ATP5F1A: variants seen among roughly 807,000 people sequenced by gnomAD.
ATP5F1A encodes the protein ATP synthase F1 subunit alpha.
A neutral mutation model predicts 57.4 loss-of-function variants in ATP5F1A; 24 were observed. The observed-to-expected ratio is 0.42, with a 90% CI of 0.30 to 0.59. The LOEUF (loss-of-function observed/expected upper bound fraction) is 0.59. ATP5F1A is among the 20% of genes least tolerant of loss of function. The pLI, the probability that ATP5F1A is intolerant of heterozygous loss-of-function variation, is 0.19. For missense variants in ATP5F1A, 494 were observed against 707.9 expected, an observed-to-expected ratio of 0.70 and a Z score of 3.43; for synonymous variants, 251 against 255.5, an observed-to-expected ratio of 0.98 and a Z score of 0.17.
chr18:46,100,843 C>T (rs566168826), upstream of ATP5F1A, among the ~76,000 whole-genome samples: 292 of 152,154 alleles, frequency 1.9e-3, 1 homozygote, highest in African/African-American at 6.8e-3. Context: ...GAGGCCGAGG[C>T]GGGTGGATCA....
At position 46,089,513 on chromosome 18, in the gene ATP5F1A, C is replaced by T. The variant is rs536483124; in HGVS notation, c.650+53G>A. 2.6e-5 allele frequency: 41 copies of T among 1,596,712 alleles called. No homozygotes were observed. The African/African-American group carries it at 5.1e-4, about 20-fold the overall frequency. On this transcript the variant is annotated intron_variant, in intron 5 of 11. Transcript: ENST00000398752. ...ACCATTCCAAGACTAAAATATAATC[C>T]TTCCATTGAGCAAATTTTAGTTAGA... is the stretch of plus-strand genomic sequence containing the variant.
rs945010749 is a variant in ATP5F1A at position 46,081,731 on chromosome 18, T to C, written c.*2551A>G. ...GCAGAACCTTCTAACTAAAAGTAACTTCCTTATTTCAGAAAAGGAAAATCA... is the reference window on the plus strand; with the variant it reads ...GCAGAACCTTCTAACTAAAAGTAACCTCCTTATTTCAGAAAAGGAAAATCA... On this transcript the variant is annotated 3_prime_UTR_variant, in exon 12 of 12. Transcript: ENST00000398752. 1 of 144,664 alleles carries C rather than the reference T, an allele frequency of 6.9e-6. No homozygotes were observed. The highest frequency in any genetic ancestry group is 6.9e-5 in the Admixed American group (1 of 14,508). The allele number at this position is 144,664 out of a possible 1,614,324, so 9.0% of individuals were successfully genotyped here. A position where few individuals can be genotyped will look rare whatever the true frequency, so the allele number is the denominator to read the frequency against.
chr18:46,098,629 C>G (rs1911160854), upstream of ATP5F1A, among the ~76,000 whole-genome samples: 1 of 152,046 alleles, frequency 6.6e-6, no homozygotes, highest in Non-Finnish European at 1.5e-5. Context: ...TCTGGGGTCG[C>G]GGCTGTCTTG....
chr18:46,098,362 A>ACCCCCCCCCCCCCCC (rs1315521643), upstream of ATP5F1A: 1 of 1,192,940 alleles, frequency 8.4e-7, no homozygotes, highest in African/African-American at 1.6e-5. Context: ...CCTCGCGTTC[A>ACCCCCCCCCCCCCCC]CCACCTCTCC....
intron 10 of ATP5F1A, 118 bp downstream of exon 10, chr18:46,085,995 G>T: frequency 1.8e-6 from 2 of 1,129,346 alleles, no homozygotes; most frequent in Non-Finnish European, 2.4e-6. Flanking sequence ...TGCCTTTGAT[G>T]AAAGATAACA....
chr18:46,082,603 G>A lies in ATP5F1A; in HGVS notation c.*1679C>T, dbSNP rs1909824716. 6.6e-6 allele frequency: 1 copy of A among 151,530 alleles called. No homozygotes were observed. Among genetic ancestry groups the A allele is most frequent in the South Asian group, 2.1e-4 (1 of 4,786 alleles). The allele number at this position is 151,530 out of a possible 1,614,324, so 9.4% of individuals were successfully genotyped here. On this transcript the variant is annotated 3_prime_UTR_variant, in exon 12 of 12. Transcript: ENST00000398752. ...GGAGGCTGAGGCAGGAGAATTGCTT[G>A]AACCTGGAGGCAGAGGTTGCAGTGA... is the stretch of plus-strand genomic sequence containing the variant.
chr18:46,100,723 G>A (rs1392688824), upstream of ATP5F1A, among the ~76,000 whole-genome samples: 1 of 152,202 alleles, frequency 6.6e-6, no homozygotes, highest in African/African-American at 2.4e-5. Flanking sequence ...ATGGCAACTA[G>A]GTAAAACGAT....
In ATP5F1A at chr18:46,098,207, C is replaced by T. The variant is rs141639003; in HGVS notation, c.25G>A (p.Ala9Thr). 5.1e-4 allele frequency: 826 copies of T among 1,607,002 alleles called. 11 individuals carry two copies. The Admixed American group carries it at 0.011, about 22-fold the overall frequency. MLSVRVAA[A>T]VVRALPRRAG... is the part of the protein sequence containing the mutation. ...CGCCGAGGAAGGGCGCGGACCACGG[C>T]CGCAGCAACGCGCACGGACAGCATC... The change falls in exon 1 of 12, where the codon GCC (alanine) becomes ACC (threonine). Residue 9 changes from alanine (A) to threonine (T), a missense_variant. Ala to Thr is a moderately conservative substitution (Grantham distance 58). Coordinates refer to ENST00000398752, the MANE Select transcript of ATP5F1A (RefSeq NM_004046.6).
intron 2 of ATP5F1A, among the ~76,000 whole-genome samples, chr18:46,093,982 C>T (rs1910751953): frequency 6.6e-6 from 1 of 151,320 alleles, no homozygotes; most frequent in African/African-American, 2.4e-5. Context: ...TGGTGGGCAC[C>T]TGTAATCCCA....
intron 8 of ATP5F1A, 81 bp downstream of exon 8, chr18:46,086,927 T>G: frequency 7.0e-7 from 1 of 1,426,458 alleles, no homozygotes; most frequent in Non-Finnish European, 9.6e-7. Flanking sequence ...AGCAAATCAG[T>G]CAATATACCA....
upstream of ATP5F1A, chr18:46,098,467 T>G: frequency 8.0e-7 from 1 of 1,252,604 alleles, no homozygotes; most frequent in Non-Finnish European, 1.0e-6. Context: ...TGATTAGATA[T>G]ATTCCGGCTT....
chr18:46,081,043 T>C lies in ATP5F1A; in HGVS notation c.*3239A>G, dbSNP rs1909710442. 1 of 143,102 alleles carries C rather than the reference T, an allele frequency of 7.0e-6. No individual in the cohort carries two copies. Among genetic ancestry groups the C allele is most frequent in the East Asian group, 2.1e-4 (1 of 4,758 alleles). The allele number at this position is 143,102 out of a possible 1,614,324, so 8.9% of individuals were successfully genotyped here. On this transcript the variant is annotated 3_prime_UTR_variant, in exon 12 of 12. Transcript: ENST00000398752. ...TACTCAGGAGGCTGAGGTAGGAGAA[T>C]CACTTGAACCCAGGAGGTGGAGGTT... is the stretch of plus-strand genomic sequence containing the variant.
chr18:46,098,367 C>T (rs1267923726), upstream of ATP5F1A: 1 of 1,223,002 alleles, frequency 8.2e-7, no homozygotes. Flanking sequence ...CGTTCACCAC[C>T]TCTCCCCCCG....
Position 46,084,625 on chromosome 18 carries a change from C to T in ATP5F1A, c.1459G>A (p.Val487Ile), listed in dbSNP as rs1433803254. The T allele has an allele frequency of 1.0e-5, 16 of 1,593,100 alleles. No homozygotes were observed. The highest frequency in any genetic ancestry group is 1.4e-5 in the Non-Finnish European group (16 of 1,174,356). ...TATCCCCTTACACCCGCATAGATAA[C>T]AGCCACTTGTTCTTCAATAGCCATG... ...SPMAIEEQVAVIYAGVRGYLD... is the reference protein window; with the variant it reads ...SPMAIEEQVAIIYAGVRGYLD... The change falls in exon 11 of 12, where the codon GTT becomes ATT. Residue 487 changes from valine (V) to isoleucine (I), a missense_variant. Around this residue, in one of 6 missense-constraint regions of ATP5F1A, gnomAD observed 127 missense variants for 195.2 expected, o/e 0.65. Coordinates refer to ENST00000398752, the MANE Select transcript of ATP5F1A (RefSeq NM_004046.6).
chr18:46,085,915 A>G, intron 10 of ATP5F1A, 198 bp downstream of exon 10: 1 of 647,072 alleles, frequency 1.5e-6, no homozygotes, highest in Non-Finnish European at 2.5e-6. Flanking sequence ...CCTAGGCCGT[A>G]AGAATGAAAC....
chr18:46,080,917 G>C lies in ATP5F1A; in HGVS notation c.*3365C>G, dbSNP rs1432095066. On this transcript the variant is annotated 3_prime_UTR_variant, in exon 12 of 12. Coordinates refer to ENST00000398752, the MANE Select transcript of ATP5F1A (RefSeq NM_004046.6). ...GGTCGAGGCACGTGGATCATCTAAG[G>C]TCAGGAGTTCGAAACCAGCCTGGCC... is the stretch of plus-strand genomic sequence containing the variant. The C allele has an allele frequency of 1.3e-5, 2 of 151,488 alleles. No homozygotes were observed. The highest frequency in any genetic ancestry group is 1.3e-4 in the Admixed American group (2 of 15,182). The allele number at this position is 151,488 out of a possible 1,614,324, so 9.4% of individuals were successfully genotyped here.
At chr18:46,086,283 T>TA in intron 9 of ATP5F1A, 26 bp from the exon 10 acceptor site, 1 of 1,613,714 alleles carries the variant, frequency 6.2e-7, no homozygotes, top group Non-Finnish European at 8.5e-7. Context: ...TACTGTACTG[T>TA]AACTCAGTGA....
In ATP5F1A at chr18:46,086,475, A is replaced by G. The variant is rs759877844; in HGVS notation, c.1196T>C (p.Leu399Ser). 1 of 1,614,114 alleles carries G rather than the reference A, an allele frequency of 6.2e-7. No homozygotes were observed. Among genetic ancestry groups the G allele is most frequent in the East Asian group, 2.2e-5 (1 of 44,888 alleles). The part of the protein sequence containing the change: ...TDGQIFLETE[L>S]FYKGIRPAIN... ...TGCAGGGCGGATACCTTTGTAGAACAATTCTGTTTCCAAGAAGATCTATAA... is the reference window on the plus strand; with the variant it reads ...TGCAGGGCGGATACCTTTGTAGAACGATTCTGTTTCCAAGAAGATCTATAA... The change falls in exon 9 of 12, where the codon TTG becomes TCG. Residue 399 changes from leucine to serine, a missense_variant. Leu to Ser is a moderately radical substitution (Grantham distance 145). Transcript: ENST00000398752.
At chr18:46,087,565 G>T in intron 6 of ATP5F1A, 73 bp from the exon 7 acceptor site, 1 of 1,511,612 alleles carries the variant, frequency 6.6e-7, no homozygotes, top group Non-Finnish European at 9.0e-7. Flanking sequence ...AATTACCTAA[G>T]TGCTAAAAAT....
Sources: gnomAD v4.1 joint callset for allele counts (sites outside exome capture counted in the v4.1 genomes callset) on GRCh38, gnomAD v4.1.1 for gene constraint, gnomAD v4.1.1 regional missense constraint, MANE v1.5 for transcripts, NCBI Gene and HGNC (gene_info 2026-07-23, HGNC 2026-07-21) for gene names.